Variants in CDH23 observed in about 807,000 individuals in gnomAD.
The protein encoded by CDH23 is cadherin related 23, also known as cadherin-23.
CDH23 carries 189 observed loss-of-function variants against 317.1 expected under a neutral mutation model. The observed-to-expected ratio is 0.60, with a 90% confidence interval of 0.53 to 0.67. The LOEUF is 0.67. Among genes scored for constraint, CDH23 ranks in the 30% least tolerant of loss-of-function variants. The pLI, the probability that CDH23 is intolerant of heterozygous loss-of-function variation, is 0.00. For synonymous variants in CDH23, 1,839 were observed against 1,876.8 expected, an observed-to-expected ratio of 0.98 and a Z score of 0.52; for missense variants, 4,401 against 4,592.4, an observed-to-expected ratio of 0.96 and a Z score of 1.20.
chr10:71,802,174 G>C (rs565443244), intron 53 of CDH23, among the ~76,000 whole-genome samples: 1 of 152,334 alleles, frequency 6.6e-6, no homozygotes, highest in South Asian at 2.1e-4. Flanking sequence ...CAGGCATGGT[G>C]GTGTTTGCCT....
intron 27 of CDH23, among the ~76,000 whole-genome samples, chr10:71,710,792 A>G (rs1359897792): frequency 6.6e-6 from 1 of 152,256 alleles, no homozygotes; most frequent in African/African-American, 2.4e-5. Flanking sequence ...CCTTGTGTGC[A>G]CAAGCATGCG....
chr10:71,740,735 A>G, intron 36 of CDH23, 87 bp from the exon 37 acceptor site: 1 of 1,567,726 alleles, frequency 6.4e-7, no homozygotes. Context: ...AATGCTCCCC[A>G]CTGATTGCAC....
rs148550428 is a variant in CDH23 at position 71,694,010 on chromosome 10, C to T, written c.2177-137C>T. ...CACCAGCTCAGGAACACATCCAGGCCGCCAGATCATGGTAGCTTGCTAACA... is the reference window on the plus strand; with the variant it reads ...CACCAGCTCAGGAACACATCCAGGCTGCCAGATCATGGTAGCTTGCTAACA... On this transcript the variant is annotated intron_variant, in intron 20 of 69. Coordinates refer to ENST00000224721, the MANE Select transcript of CDH23 (RefSeq NM_022124.6). The T allele has an allele frequency of 1.1e-4, 82 of 736,824 alleles. 1 individual carries two copies. The highest frequency in any genetic ancestry group is 1.1e-3 in the East Asian group (41 of 37,118). The allele number at this position is 736,824 out of a possible 1,614,324, so 45.6% of individuals were successfully genotyped here.
chr10:71,649,482 A>G (rs1337778002), intron 14 of CDH23, among the ~76,000 whole-genome samples: 4 of 152,174 alleles, frequency 2.6e-5, no homozygotes, highest in Non-Finnish European at 5.9e-5. Flanking sequence ...GTCATTTAAC[A>G]TGGCTTGGGG....
chr10:71,638,269 C>A (rs1044944162), intron 11 of CDH23, among the ~76,000 whole-genome samples: 5 of 152,128 alleles, frequency 3.3e-5, no homozygotes, highest in African/African-American at 4.8e-5. Context: ...CTTAACATTG[C>A]GTCACGCCCC....
intron 11 of CDH23, among the ~76,000 whole-genome samples, chr10:71,642,179 T>C (rs950570683): frequency 6.6e-6 from 1 of 151,998 alleles, no homozygotes; most frequent in African/African-American, 2.4e-5. Context: ...CCTCTGCTTG[T>C]CCTCCCCTTA....
At chr10:71,504,877 G>A (rs1253939284) in intron 3 of CDH23, among the ~76,000 whole-genome samples, 2 of 152,182 alleles carry the variant, frequency 1.3e-5, no homozygotes. Flanking sequence ...ATATCATCCT[G>A]CTATAAACCA....
intron 9 of CDH23, among the ~76,000 whole-genome samples, chr10:71,606,301 G>A (rs1457377616): frequency 6.6e-6 from 1 of 152,198 alleles, no homozygotes; most frequent in Non-Finnish European, 1.5e-5. Flanking sequence ...TACCCTGACT[G>A]GACAGTAATA....
intron 55 of CDH23, among the ~76,000 whole-genome samples, chr10:71,804,720 C>A (rs1376201191): frequency 6.6e-6 from 1 of 152,226 alleles, no homozygotes; most frequent in Non-Finnish European, 1.5e-5. Flanking sequence ...AGTGACCCTG[C>A]AGGGACAGGG....
chr10:71,484,492 C>CT (rs1298108008), intron 3 of CDH23, among the ~76,000 whole-genome samples: 4 of 152,154 alleles, frequency 2.6e-5, no homozygotes, highest in Admixed American at 1.3e-4. Context: ...GCTGGGGAGG[C>CT]TGGCACTCCC....
chr10:71,761,641 C>T (rs771907605), intron 38 of CDH23: 12 of 1,610,994 alleles, frequency 7.4e-6, no homozygotes, highest in Admixed American at 1.7e-5. Flanking sequence ...CCCTGTGCTC[C>T]GAGTGGTGGT....
chr10:71,473,321 A>G (rs1290254580), intron 3 of CDH23, among the ~76,000 whole-genome samples: 3 of 152,346 alleles, frequency 2.0e-5, no homozygotes, highest in East Asian at 1.9e-4. Context: ...GAGAAGGAAG[A>G]CATAAAAAGT....
At chr10:71,425,428 G>A (rs1849032885) in intron 1 of CDH23, among the ~76,000 whole-genome samples, 1 of 151,466 alleles carries the variant, frequency 6.6e-6, no homozygotes, top group African/African-American at 2.4e-5. Flanking sequence ...AGGAAGGGAA[G>A]GAAAGAAAGA....
At chr10:71,417,969 T>A (rs1418180923) in intron 1 of CDH23, among the ~76,000 whole-genome samples, 3 of 152,272 alleles carry the variant, frequency 2.0e-5, no homozygotes, top group Non-Finnish European at 2.9e-5. Flanking sequence ...CAACTGTATC[T>A]AATTCACTGT....
At chr10:71,458,239 C>T (rs1216421172) in intron 3 of CDH23, among the ~76,000 whole-genome samples, 3 of 152,248 alleles carry the variant, frequency 2.0e-5, no homozygotes, top group Non-Finnish European at 4.4e-5. Context: ...TCTGTCAGCC[C>T]TTGACCAAGA....
In CDH23 at chr10:71,777,905, A is replaced by T. The variant is rs1176081788; in HGVS notation, c.5067+4A>T. 2 of 1,613,764 alleles carry T rather than the reference A, an allele frequency of 1.2e-6. No individual in the cohort carries two copies. The highest frequency in any genetic ancestry group is 1.7e-6 in the Non-Finnish European group (2 of 1,179,832). On this transcript the variant is annotated splice_donor_region_variant and intron_variant, in intron 39 of 69. Transcript: ENST00000224721. The stretch of plus-strand genomic sequence containing the variant: ...CTTCCGCATCGACAGACACATGGTC[A>T]GCAGCTGATGGCAGGATCAAGACAA...
intron 14 of CDH23, among the ~76,000 whole-genome samples, chr10:71,650,533 T>A (rs1863118158): frequency 6.6e-6 from 1 of 152,266 alleles, no homozygotes; most frequent in South Asian, 2.1e-4. Flanking sequence ...TACTCAGAGG[T>A]ATGTGTATGT....
chr10:71,793,257 C>T lies in CDH23; in HGVS notation c.6329C>T (p.Ala2110Val), dbSNP rs111033492. ...GGGGAGCTGGTCTACCGAATAGAAG[C>T]TGGGGCTCAGGACCGCTTCCTCATT... ...LNGELVYRIE[A>V]GAQDRFLIHL... is the part of the protein sequence containing the mutation. The change falls in exon 48 of 70, where the codon GCT (alanine) becomes GTT (valine). Residue 2110 changes from alanine to valine, a missense_variant. Around this residue, in one of 3 missense-constraint regions of CDH23, gnomAD observed 3,068 missense variants for 3,203.3 expected, o/e 0.96. Coordinates refer to ENST00000224721, the MANE Select transcript of CDH23 (RefSeq NM_022124.6). 392 of 1,613,944 alleles carry T rather than the reference C, an allele frequency of 2.4e-4. No individual in the cohort carries two copies. The African/African-American group carries it at 4.5e-3, about 19-fold the overall frequency.
chr10:71,809,992 C>G lies in CDH23; in HGVS notation c.8895C>G (p.Pro2965=), dbSNP rs11000009. The G allele has an allele frequency of 6.2e-7, 1 of 1,612,134 alleles. No individual in the cohort carries two copies. The highest frequency in any genetic ancestry group is 8.5e-7 in the Non-Finnish European group (1 of 1,179,864). Residue 2965 remains proline, a synonymous_variant, in exon 61 of 70, where the codon CCC becomes CCG. Transcript: ENST00000224721. ...QRVKIVINEI[P]DRVRGFEEEF... ...TCAAGATCGTCATTAACGAGATCCC[C>G]GACCGTGTGCGCGGCTTCGAGGAGG...
Sources: allele counts gnomAD v4.1 joint callset (sites outside exome capture counted in the v4.1 genomes callset), GRCh38; gene constraint gnomAD v4.1.1; regional missense constraint gnomAD v4.1.1; transcripts MANE v1.5; gene names NCBI Gene and HGNC (gene_info 2026-07-23, HGNC 2026-07-21).